FAM76A: variants seen among roughly 807,000 people sequenced by gnomAD.
FAM76A encodes protein FAM76A.
A neutral mutation model predicts 46.2 loss-of-function variants in FAM76A; 32 were observed. The observed-to-expected ratio is 0.69, with a 90% CI of 0.52 to 0.93. The LOEUF (loss-of-function observed/expected upper bound fraction) is 0.93, where lower values mean the gene tolerates loss of function less well. Ranked by LOEUF, FAM76A falls within the 40% of genes least tolerant of loss-of-function variation. The pLI, the probability that FAM76A is intolerant of heterozygous loss-of-function variation, is 0.00. For missense variants in FAM76A, 274 were observed against 361.5 expected (o/e 0.76, Z 1.96); for synonymous variants, 137 against 127.0 (o/e 1.08, Z -0.53).
chr1:27,740,251 C>T lies in FAM76A; in HGVS notation c.355-4403C>T, dbSNP rs2088128915. 8 of 706,404 alleles carry T rather than the reference C, an allele frequency of 1.1e-5. No homozygotes were observed. In the Admixed American group the frequency reaches 1.4e-4, roughly 13 times the overall value. 43.8% of individuals were successfully genotyped at this position (706,404 alleles called of 1,614,324 possible). Reference sequence around the variant, plus strand: ...CTTGAGGCTACTAAGTACTCAGAGGCTTTGATTGAAGACATTTGGGAGAAT... The same window carrying T: ...CTTGAGGCTACTAAGTACTCAGAGGTTTTGATTGAAGACATTTGGGAGAAT... On this transcript the variant is annotated intron_variant, in intron 4 of 8. Transcript: ENST00000373954.
chr1:27,746,335 A>G (rs1353546657), intron 5 of FAM76A, among the ~76,000 whole-genome samples: 3 of 152,186 alleles, frequency 2.0e-5, no homozygotes, highest in Non-Finnish European at 2.9e-5. Context: ...AAATGGGTCT[A>G]GTTTTGGAAA....
At chr1:27,746,690 G>A (rs905283091) in intron 5 of FAM76A, among the ~76,000 whole-genome samples, 6 of 152,116 alleles carry the variant, frequency 3.9e-5, no homozygotes, top group South Asian at 2.1e-4. Context: ...TTGTGCCACC[G>A]CACTCCATGC....
chr1:27,748,568 G>C (rs1229216990), intron 5 of FAM76A, among the ~76,000 whole-genome samples: 17 of 149,592 alleles, frequency 1.1e-4, no homozygotes, highest in Non-Finnish European at 1.9e-4. Flanking sequence ...TGCAGGCTCC[G>C]CCCCCGGGGT....
Position 27,726,186 on chromosome 1 carries a change from G to C in FAM76A, c.81+25G>C, listed in dbSNP as rs534833333. On this transcript the variant is annotated intron_variant, in intron 1 of 8. Transcript: ENST00000373954. The stretch of plus-strand genomic sequence containing the variant: ...GGTGCGCGGGCTGGGGCGGCGGCCG[G>C]GAACTGGGGACGCAGGAGGCGCGGC... The C allele has an allele frequency of 2.4e-6, 3 of 1,267,448 alleles. No homozygotes were observed. The South Asian group carries it at 9.1e-5, about 38-fold the overall frequency. The allele number at this position is 1,267,448 out of a possible 1,614,324, so 78.5% of individuals were successfully genotyped here.
chr1:27,739,380 C>T, intron 4 of FAM76A: 1 of 522,900 alleles, frequency 1.9e-6, no homozygotes, highest in Non-Finnish European at 3.9e-6. Context: ...ACCTCAAAAA[C>T]TGGTAGAATC....
rs115432159 is a variant in FAM76A, at chr1:27,749,179, G to A, written c.599+25G>A. On this transcript the variant is annotated intron_variant, in intron 6 of 8. Transcript: ENST00000373954. ...GGTGAGCCAGTTGGAGTATGTGTGC[G>A]CACACATTTGAAATGCATACACAGT... 1,064 of 1,509,422 alleles carry A rather than the reference G, an allele frequency of 7.0e-4. 5 individuals carry two copies. The African/African-American group carries it at 0.012, about 17-fold the overall frequency. The allele number at this position is 1,509,422 out of a possible 1,614,324, so 93.5% of individuals were successfully genotyped here.
chr1:27,756,018 C>T (rs1307411257), intron 7 of FAM76A, among the ~76,000 whole-genome samples: 1 of 152,164 alleles, frequency 6.6e-6, no homozygotes, highest in East Asian at 1.9e-4. Flanking sequence ...TCAGAAGGTG[C>T]TGAATAAGCA....
chr1:27,747,078 A>C (rs1283222612), intron 5 of FAM76A, among the ~76,000 whole-genome samples: 2 of 152,082 alleles, frequency 1.3e-5, no homozygotes, highest in African/African-American at 4.8e-5. Context: ...ACTCTCTCTA[A>C]AATTAAAAAA....
intron 6 of FAM76A, among the ~76,000 whole-genome samples, chr1:27,750,491 C>G (rs746236600): frequency 1.3e-5 from 2 of 152,196 alleles, no homozygotes; most frequent in Non-Finnish European, 2.9e-5. Context: ...GCATGTGACC[C>G]TGCAAAAACT....
chr1:27,732,203 AT>A (rs1483310185), intron 2 of FAM76A, among the ~76,000 whole-genome samples: 1 of 152,054 alleles, frequency 6.6e-6, no homozygotes, highest in East Asian at 1.9e-4. Flanking sequence ...GCCAAGGCAG[AT>A]GGATCGCTTG....
chr1:27,745,856 G>T (rs1286239404), intron 5 of FAM76A, among the ~76,000 whole-genome samples: 4 of 152,178 alleles, frequency 2.6e-5, no homozygotes, highest in African/African-American at 9.7e-5. Flanking sequence ...CTGGAAAATT[G>T]TAAGTCCTTT....
At chr1:27,745,922 G>T (rs535579926) in intron 5 of FAM76A, among the ~76,000 whole-genome samples, 2 of 152,322 alleles carry the variant, frequency 1.3e-5, no homozygotes, top group East Asian at 3.9e-4. Flanking sequence ...AAGGGGTCCT[G>T]CATCCTGGTA....
intron 5 of FAM76A, 140 bp downstream of exon 5, chr1:27,744,951 A>C: frequency 5.5e-6 from 4 of 729,364 alleles, no homozygotes; most frequent in Non-Finnish European, 8.5e-6. Context: ...GAGGAAGCTC[A>C]TTTGTCATAT....
intron 4 of FAM76A, chr1:27,740,684 A>G (rs2088136321): frequency 2.0e-6 from 1 of 499,236 alleles, no homozygotes. Context: ...ACCAGAAAAC[A>G]GGAATATTGA....
intron 4 of FAM76A, among the ~76,000 whole-genome samples, chr1:27,743,558 G>A (rs2088190820): frequency 1.3e-5 from 2 of 152,188 alleles, no homozygotes; most frequent in South Asian, 4.2e-4. Context: ...GAGCTCAGGA[G>A]TTCAAGACCA....
At chr1:27,760,277 A>G (rs1300715265) in intron 8 of FAM76A, 3 of 426,468 alleles carry the variant, frequency 7.0e-6, no homozygotes, top group Non-Finnish European at 1.3e-5. Context: ...AGTGGGTCCC[A>G]AGAGATTGAG....
chr1:27,742,279 C>CT (rs1557780370), intron 4 of FAM76A, among the ~76,000 whole-genome samples: 1 of 152,214 alleles, frequency 6.6e-6, no homozygotes, highest in Non-Finnish European at 1.5e-5. Context: ...GCTGCCCTGT[C>CT]ACCTGTCCTA....
chr1:27,743,268 A>AG (rs1463227144), intron 4 of FAM76A, among the ~76,000 whole-genome samples: 2 of 152,096 alleles, frequency 1.3e-5, no homozygotes, highest in Non-Finnish European at 2.9e-5. Flanking sequence ...CTCCCACCTC[A>AG]GCCTCCCTAG....
chr1:27,729,333 A>G (rs778007783), intron 2 of FAM76A, among the ~76,000 whole-genome samples: 1 of 151,632 alleles, frequency 6.6e-6, no homozygotes, highest in Non-Finnish European at 1.5e-5. Context: ...TCAGCCTCCC[A>G]TATAGCTGGG....
Sources: allele counts gnomAD v4.1 joint callset (sites outside exome capture counted in the v4.1 genomes callset), GRCh38; gene constraint gnomAD v4.1.1; transcripts MANE v1.5; gene names NCBI Gene and HGNC (gene_info 2026-07-23, HGNC 2026-07-21).